The following SLC34A2 variants were observed in gnomAD, a reference collection of about 807,000 sequenced individuals.
SLC34A2 encodes the protein solute carrier family 34 member 2.
SLC34A2 carries 41 observed loss-of-function variants against 50.8 expected under a neutral mutation model. That is an observed-to-expected ratio of 0.81 (90% CI 0.63 to 1.05). SLC34A2 has a LOEUF of 1.05. Among genes scored for constraint, SLC34A2 ranks in the 50% least tolerant of loss-of-function variants. The pLI is 0.00. For synonymous variants in SLC34A2, 401 were observed against 364.2 expected, an observed-to-expected ratio of 1.10 and a Z score of -1.15; for missense variants, 879 against 876.7, an observed-to-expected ratio of 1.00 and a Z score of -0.03.
At chr4:25,664,939 T>C in intron 4 of SLC34A2, 1 of 231,918 alleles carries the variant, frequency 4.3e-6, no homozygotes. Context: ...TCAAACATTC[T>C]TTCCCAGAGC....
intron 4 of SLC34A2, among the ~76,000 whole-genome samples, chr4:25,664,625 CAT>C (rs1427486658): frequency 1.3e-5 from 2 of 152,226 alleles, no homozygotes; most frequent in African/African-American, 2.4e-5. Context: ...AGTTGTCTGA[CAT>C]ACAGACTTAG....
In SLC34A2 at chr4:25,673,305, G is replaced by T. The variant is rs750647725; in HGVS notation, c.1216+51G>T. ...GCCTCACATGTAGTCACTGCATGGGGTGTGGGGGTCCTTTAGATTCCCATC... is the reference window on the plus strand; with the variant it reads ...GCCTCACATGTAGTCACTGCATGGGTTGTGGGGGTCCTTTAGATTCCCATC... On this transcript the variant is annotated intron_variant, in intron 10 of 12. Transcript: ENST00000382051. 1.2e-5 allele frequency: 18 copies of T among 1,559,716 alleles called. No homozygotes were observed. In the South Asian group the frequency reaches 1.8e-4, roughly 15 times the overall value.
rs1237048224 is a variant in SLC34A2 at position 25,665,478 on chromosome 4, T to TTCAG, written c.380-650_380-649insTCAG. On this transcript the variant is annotated intron_variant, in intron 4 of 12. Coordinates refer to ENST00000382051, the MANE Select transcript of SLC34A2 (RefSeq NM_006424.3). ...CCACCGTGCCTGGCCTCCTGAACAT[T>TTCAG]GCTTCTGGGCTCCCTGGTCCATGGG... is the stretch of plus-strand genomic sequence containing the variant. Among the ~76,000 whole-genome samples the TTCAG allele has an allele frequency of 3.0e-4, 46 of 152,188 alleles. 2 individuals are homozygous for TTCAG. Among genetic ancestry groups the TTCAG allele is most frequent in the African/African-American group, 1.0e-3 (43 of 41,532 alleles).
intron 1 of SLC34A2, among the ~76,000 whole-genome samples, chr4:25,659,123 G>A (rs1486507334): frequency 6.6e-6 from 1 of 151,952 alleles, no homozygotes; most frequent in Non-Finnish European, 1.5e-5. Flanking sequence ...TCCTCCCTTT[G>A]CCCCTGGCTG....
chr4:25,665,115 G>A (rs1577494116), intron 4 of SLC34A2: 1 of 220,024 alleles, frequency 4.5e-6, no homozygotes, highest in Non-Finnish European at 9.1e-6. Flanking sequence ...AGTTGGGGAG[G>A]TGGGCATTCA....
Position 25,678,693 on chromosome 4 carries a change from T to C in SLC34A2, c.*1944T>C. On this transcript the variant is annotated 3_prime_UTR_variant, in exon 13 of 13. Transcript: ENST00000382051. ...ACCACCAGGCCTGATTGTAATTTTTTTTTTTTTTTTTTTACTGGTTATGGG... is the reference window on the plus strand; with the variant it reads ...ACCACCAGGCCTGATTGTAATTTTTCTTTTTTTTTTTTTACTGGTTATGGG... The C allele has an allele frequency of 2.2e-6, 1 of 448,018 alleles. No individual in the cohort carries two copies. The highest frequency in any genetic ancestry group is 3.1e-5 in the South Asian group (1 of 32,390). The allele number at this position is 448,018 out of a possible 1,614,324, so 27.8% of individuals were successfully genotyped here.
At position 25,673,821 on chromosome 4, in the gene SLC34A2, C is replaced by A. The variant is rs73809805; in HGVS notation, c.1217-475C>A. On this transcript the variant is annotated intron_variant, in intron 10 of 12. Coordinates refer to ENST00000382051, the MANE Select transcript of SLC34A2 (RefSeq NM_006424.3). ...CCCCAGATTGTCTTGGGGAACAGAG[C>A]AACTCTGGGTGCTTCTGGGAAATGC... 9.8e-3 allele frequency among the ~76,000 whole-genome samples: 1,499 copies of A among 152,280 alleles called. 21 individuals carry two copies. The highest frequency in any genetic ancestry group is 0.035 in the African/African-American group (1,442 of 41,562).
chr4:25,666,658 G>T (rs575347261), intron 5 of SLC34A2, among the ~76,000 whole-genome samples: 1 of 152,190 alleles, frequency 6.6e-6, no homozygotes, highest in Non-Finnish European at 1.5e-5. Flanking sequence ...CATGTGGCTG[G>T]CTGGCAGCTA....
chr4:25,678,746 A>G lies in SLC34A2; in HGVS notation c.*1997A>G. 1 of 551,150 alleles carries G rather than the reference A, an allele frequency of 1.8e-6. No individual in the cohort carries two copies. The highest frequency in any genetic ancestry group is 3.3e-6 in the Non-Finnish European group (1 of 303,858). The allele number at this position is 551,150 out of a possible 1,614,324, so 34.1% of individuals were successfully genotyped here. ...GGGAGAAATAAAATCATCAAACCCA[A>G]AAGGAGTGTGTTGTTTTTAATTACA... On this transcript the variant is annotated 3_prime_UTR_variant, in exon 13 of 13. Transcript: ENST00000382051.
chr4:25,673,052 A>G (rs1029547922), intron 9 of SLC34A2, 35 bp from the exon 10 acceptor site: 3 of 1,611,304 alleles, frequency 1.9e-6, no homozygotes, highest in Non-Finnish European at 2.5e-6. Context: ...TGGTGGCTCC[A>G]TGCCCTCCTG....
intron 1 of SLC34A2, among the ~76,000 whole-genome samples, chr4:25,660,259 G>A (rs544872265): frequency 6.6e-6 from 1 of 152,312 alleles, no homozygotes; most frequent in South Asian, 2.1e-4. Flanking sequence ...ACGAAGAAAG[G>A]AGTCAGGTGG....
chr4:25,674,010 C>G (rs1026082946), intron 10 of SLC34A2, among the ~76,000 whole-genome samples: 6 of 152,210 alleles, frequency 3.9e-5, no homozygotes, highest in African/African-American at 1.4e-4. Context: ...TCAGCACTTT[C>G]TGGAAGGAGA....
Position 25,664,314 on chromosome 4 carries a change from C to T in SLC34A2, c.363C>T (p.Ala121=). 2 of 1,614,078 alleles carry T rather than the reference C, an allele frequency of 1.2e-6. No homozygotes were observed. Among genetic ancestry groups the T allele is most frequent in the Non-Finnish European group, 1.7e-6 (2 of 1,180,022 alleles). ...FVCSLDILSS[A]FQLVGGKMAG... ...GCTCCCTGGATATTCTTAGTAGCGC[C>T]TTCCAGCTGGTTGGAGGTAAGAATG... is the stretch of plus-strand genomic sequence containing the variant. The change falls in exon 4 of 13, where the codon GCC becomes GCT. Residue 121 remains alanine (A), a synonymous_variant. Coordinates refer to ENST00000382051, the MANE Select transcript of SLC34A2 (RefSeq NM_006424.3).
chr4:25,666,682 T>C (rs368487974), intron 5 of SLC34A2, among the ~76,000 whole-genome samples: 8 of 152,318 alleles, frequency 5.3e-5, no homozygotes, highest in Admixed American at 1.3e-4. Flanking sequence ...TATTGAGAAG[T>C]AGAGACATAG....
intron 1 of SLC34A2, among the ~76,000 whole-genome samples, chr4:25,660,295 G>A (rs1451723536): frequency 6.6e-6 from 1 of 152,202 alleles, no homozygotes; most frequent in African/African-American, 2.4e-5. Flanking sequence ...AGCCCTCTTG[G>A]AAGAGGTGAT....
In SLC34A2 at chr4:25,676,719, G is replaced by A. The variant is rs921598593; in HGVS notation, c.2043G>A (p.Ser681=). Residue 681 remains serine, a synonymous_variant, in exon 13 of 13, where the codon TCG becomes TCA. Transcript: ENST00000382051. ...SREAQGEVPA[S]DSKTECTAL Reference sequence around the variant, plus strand: ...AGGCTCAGGGTGAGGTCCCTGCCTCGGACTCAAAGACCGAATGCACGGCCT... The same window carrying A: ...AGGCTCAGGGTGAGGTCCCTGCCTCAGACTCAAAGACCGAATGCACGGCCT... 18 of 1,614,014 alleles carry A rather than the reference G, an allele frequency of 1.1e-5. No individual in the cohort carries two copies. The highest frequency in any genetic ancestry group is 1.4e-5 in the Non-Finnish European group (17 of 1,180,024).
rs1715280382 is a variant in SLC34A2, at chr4:25,678,593, CT to C, written c.*1845del. The C allele has an allele frequency of 3.5e-6, 1 of 288,098 alleles. No homozygotes were observed. Among genetic ancestry groups the C allele is most frequent in the African/African-American group, 2.1e-5 (1 of 46,650 alleles). The allele number at this position is 288,098 out of a possible 1,614,324, so 17.8% of individuals were successfully genotyped here. A position where few individuals can be genotyped will look rare whatever the true frequency, so the allele number is the denominator to read the frequency against. Reference sequence around the variant, plus strand: ...ACCAGGTCTCGCTGTGTTGCTCAGGCTGGTCTCAAACTCCTGAGATCAAGCA... The same window carrying C: ...ACCAGGTCTCGCTGTGTTGCTCAGGCGGTCTCAAACTCCTGAGATCAAGCA... On this transcript the variant is annotated 3_prime_UTR_variant, in exon 13 of 13. Transcript: ENST00000382051.
At chr4:25,657,041 A>G (rs1053430685) in intron 1 of SLC34A2, among the ~76,000 whole-genome samples, 1 of 152,212 alleles carries the variant, frequency 6.6e-6, no homozygotes, top group Non-Finnish European at 1.5e-5. Flanking sequence ...ATGCCCGCTG[A>G]TCATGATCTT....
In SLC34A2 at chr4:25,671,627, G is replaced by A. The variant is rs754995617; in HGVS notation, c.954G>A (p.Ser318=). The A allele has an allele frequency of 3.1e-6, 5 of 1,613,994 alleles. 1 individual carries two copies. The South Asian group carries it at 4.4e-5, about 14-fold the overall frequency. Residue 318 remains serine, a synonymous_variant, in exon 9 of 13, where the codon TCG becomes TCA. Coordinates refer to ENST00000382051, the MANE Select transcript of SLC34A2 (RefSeq NM_006424.3). Reference sequence around the variant, plus strand: ...CCCAGATTAACGTCACTGTTCCCTCGACTGCTAACTGCACCTCCCCTTCCC... The same window carrying A: ...CCCAGATTAACGTCACTGTTCCCTCAACTGCTAACTGCACCTCCCCTTCCC... ...NKTQINVTVP[S]TANCTSPSLC... is the part of the protein sequence containing the mutation.
Sources: allele counts gnomAD v4.1 joint callset (sites outside exome capture counted in the v4.1 genomes callset), GRCh38; gene constraint gnomAD v4.1.1; transcripts MANE v1.5; gene names NCBI Gene and HGNC (gene_info 2026-07-23, HGNC 2026-07-21).